Variants in ZNG1A observed in about 807,000 individuals in gnomAD.
The protein encoded by ZNG1A is Zn regulated GTPase metalloprotein activator 1A, also known as zinc-regulated GTPase metalloprotein activator 1A.
the ZNG1A span, among the ~76,000 whole-genome samples, chr9:155,776 TAAC>T: frequency 6.6e-6 from 1 of 151,740 alleles, no homozygotes; most frequent in African/African-American, 2.4e-5. Context: ...TTTTCTATAA[TAAC>T]CATATTTTCA....
chr9:146,340 A>G, the ZNG1A span: 1 of 551,986 alleles, frequency 1.8e-6, no homozygotes. Context: ...ACTTCAATGA[A>G]TTAGGTTTCT....
At chr9:168,880 C>A in the ZNG1A span, among the ~76,000 whole-genome samples, 10 of 151,966 alleles carry the variant, frequency 6.6e-5, no homozygotes, top group African/African-American at 2.2e-4. Context: ...AGAAAAGATT[C>A]CTTCAAAATA....
the ZNG1A span, among the ~76,000 whole-genome samples, chr9:159,173 T>C: frequency 1.3e-5 from 2 of 149,374 alleles, no homozygotes; most frequent in Non-Finnish European, 3.0e-5. Flanking sequence ...AACTATGGCT[T>C]TTGCTTATAT....
At chr9:153,802 G>T in the ZNG1A span, 5 of 149,306 alleles carry the variant, frequency 3.3e-5, no homozygotes, top group Non-Finnish European at 7.5e-5. Context: ...TATATGAACT[G>T]AGATGACAGA....
chr9:151,489 G>GA, the ZNG1A span: 4 of 923,324 alleles, frequency 4.3e-6, no homozygotes, highest in African/African-American at 1.0e-4. Context: ...ACCCTGCACA[G>GA]AAATTTTCTG....
chr9:162,713 A>C, the ZNG1A span, among the ~76,000 whole-genome samples: 1 of 151,056 alleles, frequency 6.6e-6, no homozygotes, highest in Admixed American at 6.6e-5. Context: ...AAAACAAATA[A>C]AAATTTTAAA....
chr9:177,907 A>T, the ZNG1A span: 17,380 of 1,469,746 alleles, frequency 0.012, 433 homozygotes, highest in African/African-American at 0.041. Flanking sequence ...CAAAGTTTTT[A>T]AAAAAAACAA....
At chr9:139,702 C>T in the ZNG1A span, among the ~76,000 whole-genome samples, 11 of 151,812 alleles carry the variant, frequency 7.2e-5, no homozygotes, top group Admixed American at 5.9e-4. Flanking sequence ...CAGCTCCCAG[C>T]GTGAGAGACG....
the ZNG1A span, among the ~76,000 whole-genome samples, chr9:135,816 T>C: frequency 9.0e-6 from 1 of 111,696 alleles, no homozygotes; most frequent in Non-Finnish European, 1.7e-5. Flanking sequence ...TGGGGGGTCC[T>C]AGTAGGGAGA....
chr9:140,078 G>A, the ZNG1A span, among the ~76,000 whole-genome samples: 18 of 150,928 alleles, frequency 1.2e-4, no homozygotes, highest in East Asian at 2.7e-3. Context: ...CGGCAGCGAG[G>A]CTCGGGGAGG....
the ZNG1A span, among the ~76,000 whole-genome samples, chr9:135,749 A>G: frequency 8.5e-6 from 1 of 117,612 alleles, no homozygotes. Flanking sequence ...AATTAGTAAC[A>G]GCAAGTTTAG....
chr9:140,510 T>A, the ZNG1A span, among the ~76,000 whole-genome samples: 3 of 151,790 alleles, frequency 2.0e-5, no homozygotes, highest in African/African-American at 7.3e-5. Flanking sequence ...AAAACCCATC[T>A]GTACATCACC....
the ZNG1A span, among the ~76,000 whole-genome samples, chr9:177,491 G>A: frequency 6.6e-6 from 1 of 151,240 alleles, no homozygotes; most frequent in Admixed American, 6.6e-5. Context: ...ACACAGGTGT[G>A]TAGCTAAAGA....
At chr9:168,717 T>A in the ZNG1A span, among the ~76,000 whole-genome samples, 1 of 146,996 alleles carries the variant, frequency 6.8e-6, no homozygotes, top group African/African-American at 2.7e-5. Flanking sequence ...TTGAAGCCAA[T>A]AATCATTTAC....
At chr9:161,659 G>T in the ZNG1A span, 1 of 1,265,010 alleles carries the variant, frequency 7.9e-7, no homozygotes, top group African/African-American at 1.5e-5. Flanking sequence ...TTTCACTTGG[G>T]AAGTTGAGAA....
At chr9:147,205 A>C in the ZNG1A span, 3 of 139,344 alleles carry the variant, frequency 2.2e-5, no homozygotes, top group Non-Finnish European at 4.6e-5. Flanking sequence ...AAAGAACAGC[A>C]GAGGACAGTG....
chr9:161,216 C>T, the ZNG1A span, among the ~76,000 whole-genome samples: 2 of 152,082 alleles, frequency 1.3e-5, no homozygotes, highest in Non-Finnish European at 2.9e-5. Flanking sequence ...TGCCTGTAAT[C>T]CCAGCACTTT....
the ZNG1A span, among the ~76,000 whole-genome samples, chr9:135,282 CT>C: frequency 6.7e-6 from 1 of 148,806 alleles, no homozygotes; most frequent in Non-Finnish European, 1.5e-5. Flanking sequence ...AAAAACTAGT[CT>C]TTTAGCAACA....
At chr9:129,580 G>A in the ZNG1A span, among the ~76,000 whole-genome samples, 1 of 149,806 alleles carries the variant, frequency 6.7e-6, no homozygotes, top group Non-Finnish European at 1.5e-5. Context: ...GACAAATATT[G>A]CATGAATCCA....
Sources: allele counts gnomAD v4.1 joint callset (sites outside exome capture counted in the v4.1 genomes callset), GRCh38; gene constraint gnomAD v4.1.1; transcripts MANE v1.5; gene names NCBI Gene and HGNC (gene_info 2026-07-23, HGNC 2026-07-21).